The following AXDND1 variants were observed in gnomAD, a reference collection of about 807,000 sequenced individuals.
AXDND1 encodes the protein axonemal dynein light chain domain containing 1.
AXDND1 carries 110 observed loss-of-function variants against 137.5 expected under a neutral mutation model. The observed-to-expected ratio is 0.80, with a 90% CI of 0.69 to 0.94. AXDND1 has a LOEUF of 0.94. AXDND1 is among the 40% of genes least tolerant of loss of function. The probability of loss-of-function intolerance (pLI) is 0.00; values close to 1 mark genes in which losing one functional copy is unlikely to be tolerated. For synonymous variants in AXDND1, 414 were observed against 399.7 expected (o/e 1.04, Z -0.43); for missense variants, 1,191 against 1,169.8 (o/e 1.02, Z -0.26).
At chr1:179,434,799 T>G (rs146675364) in intron 15 of AXDND1, among the ~76,000 whole-genome samples, 1,674 of 152,126 alleles carry the variant, frequency 0.011, 23 homozygotes, top group African/African-American at 0.036. Context: ...AAGGGTACCC[T>G]CTCACCTCTC....
chr1:179,480,154 T>G (rs899244460), intron 17 of AXDND1, among the ~76,000 whole-genome samples: 2 of 152,174 alleles, frequency 1.3e-5, no homozygotes, highest in African/African-American at 4.8e-5. Flanking sequence ...AGCTCCCCAC[T>G]CCAGGTACCG....
At chr1:179,449,144 C>A (rs1448188502) in intron 16 of AXDND1, 12 of 454,176 alleles carry the variant, frequency 2.6e-5, no homozygotes, top group Non-Finnish European at 4.4e-5. Flanking sequence ...CTTCAGCCCC[C>A]CAAAGTGCTG....
rs373104569 is a variant in AXDND1, at chr1:179,444,933, A to T, written c.1564-37A>T. 3 of 1,440,742 alleles carry T rather than the reference A, an allele frequency of 2.1e-6. No homozygotes were observed. The African/African-American group carries it at 4.2e-5, about 20-fold the overall frequency. 89.2% of individuals were successfully genotyped at this position (1,440,742 alleles called of 1,614,324 possible). A position where few individuals can be genotyped will look rare whatever the true frequency, so the allele number is the denominator to read the frequency against. ...TAGACTTTGATAAACTCATTAGTGGATAATATGCTACTCTCCCTCTTCCTT... is the reference window on the plus strand; with the variant it reads ...TAGACTTTGATAAACTCATTAGTGGTTAATATGCTACTCTCCCTCTTCCTT... On this transcript the variant is annotated intron_variant, in intron 15 of 25. Transcript: ENST00000367618.
At chr1:179,374,137 AAAC>A (rs1668334143) in intron 4 of AXDND1, among the ~76,000 whole-genome samples, 3 of 152,304 alleles carry the variant, frequency 2.0e-5, no homozygotes, top group Non-Finnish European at 2.9e-5. Flanking sequence ...TACAAGAAAA[AAAC>A]AACCCCTTCA....
intron 4 of AXDND1, among the ~76,000 whole-genome samples, chr1:179,376,514 T>C (rs138777732): frequency 1.6e-4 from 24 of 152,342 alleles, no homozygotes; most frequent in Middle Eastern, 6.8e-3. Context: ...GAAGTCACCA[T>C]GTGCTGTTGT....
intron 23 of AXDND1, 97 bp from the exon 24 acceptor site, chr1:179,533,694 CAAAG>C (rs371712364): frequency 4.2e-5 from 33 of 789,320 alleles, no homozygotes; most frequent in African/African-American, 3.6e-4. Flanking sequence ...GGGTAGTAGA[CAAAG>C]AATATTCTAG....
chr1:179,468,316 T>C (rs889404719), intron 16 of AXDND1, 127 bp from the exon 17 acceptor site: 2 of 646,402 alleles, frequency 3.1e-6, no homozygotes, highest in African/African-American at 1.8e-5. Context: ...TCTCTGCTAG[T>C]CAAGCTGTAG....
In AXDND1 at chr1:179,410,081, G is replaced by A. The variant is rs558495975; in HGVS notation, c.1110-1065G>A. Reference sequence around the variant, plus strand: ...TGAATTTGTACATGTGTATTCACCTGTATAAGTTTTTTTTTATTATTTTGA... The same window carrying A: ...TGAATTTGTACATGTGTATTCACCTATATAAGTTTTTTTTTATTATTTTGA... On this transcript the variant is annotated intron_variant, in intron 11 of 25. Coordinates refer to ENST00000367618, the MANE Select transcript of AXDND1 (RefSeq NM_144696.6). Among the ~76,000 whole-genome samples the A allele has an allele frequency of 5.3e-3, 803 of 152,162 alleles. 9 individuals are homozygous for A. The highest frequency in any genetic ancestry group is 0.019 in the African/African-American group (780 of 41,522).
At chr1:179,498,335 A>G (rs1667666482) in intron 20 of AXDND1, among the ~76,000 whole-genome samples, 1 of 152,156 alleles carries the variant, frequency 6.6e-6, no homozygotes, top group Non-Finnish European at 1.5e-5. Flanking sequence ...TAGAAAACTT[A>G]GAAATATGGC....
At chr1:179,382,604 A>C in intron 6 of AXDND1, 96 bp from the exon 7 acceptor site, 3 of 804,728 alleles carry the variant, frequency 3.7e-6, no homozygotes, top group Non-Finnish European at 6.2e-6. Flanking sequence ...GGAGAATGGT[A>C]CTTAGAAACC....
At chr1:179,405,286 G>A (rs1652775694) in intron 11 of AXDND1, among the ~76,000 whole-genome samples, 1 of 152,184 alleles carries the variant, frequency 6.6e-6, no homozygotes, top group African/African-American at 2.4e-5. Flanking sequence ...ATTCCATGGT[G>A]TATATGTGCC....
rs763939986 is a variant in AXDND1, at chr1:179,554,551, G to A, written c.*32G>A. On this transcript the variant is annotated 3_prime_UTR_variant, in exon 26 of 26. Coordinates refer to ENST00000367618, the MANE Select transcript of AXDND1 (RefSeq NM_144696.6). ...GGCAACCTGTGGAAAGAAGAATTCA[G>A]ATGTCAGTGGGAGCCTCCAGGTGGG... 6.2e-7 allele frequency: 1 copy of A among 1,614,044 alleles called. No individual in the cohort carries two copies. Among genetic ancestry groups the A allele is most frequent in the African/African-American group, 1.3e-5 (1 of 74,936 alleles).
chr1:179,394,465 C>T (rs1650705400), intron 10 of AXDND1, among the ~76,000 whole-genome samples: 2 of 152,050 alleles, frequency 1.3e-5, no homozygotes, highest in Non-Finnish European at 2.9e-5. Context: ...TGGCACATGC[C>T]TATAATCCCA....
chr1:179,514,952 C>T (rs1439293532), intron 21 of AXDND1, among the ~76,000 whole-genome samples: 1 of 152,022 alleles, frequency 6.6e-6, no homozygotes, highest in African/African-American at 2.4e-5. Flanking sequence ...TTTATGTAGT[C>T]CTTATGTGTT....
intron 20 of AXDND1, among the ~76,000 whole-genome samples, chr1:179,497,029 A>G (rs922251924): frequency 6.6e-6 from 1 of 152,058 alleles, no homozygotes; most frequent in Non-Finnish European, 1.5e-5. Context: ...TTGATTTGTA[A>G]TATGATTTCA....
At chr1:179,432,746 G>A (rs553253509) in intron 15 of AXDND1, among the ~76,000 whole-genome samples, 1 of 152,092 alleles carries the variant, frequency 6.6e-6, no homozygotes, top group Non-Finnish European at 1.5e-5. Flanking sequence ...CTTTAAAAAT[G>A]CCATATTAGG....
rs139003184 is a variant in AXDND1 at position 179,372,314 on chromosome 1, T to C, written c.374+2236T>C. 6.2e-3 allele frequency among the ~76,000 whole-genome samples: 944 copies of C among 152,274 alleles called. 8 individuals are homozygous for C. The highest frequency in any genetic ancestry group is 0.022 in the African/African-American group (904 of 41,544). On this transcript the variant is annotated intron_variant, in intron 4 of 25. Coordinates refer to ENST00000367618, the MANE Select transcript of AXDND1 (RefSeq NM_144696.6). ...AAAGAATCAAATGCAGAACATTGGGTATTTACAAAATTGTTGGAAGGGCTA... is the reference window on the plus strand; with the variant it reads ...AAAGAATCAAATGCAGAACATTGGGCATTTACAAAATTGTTGGAAGGGCTA...
intron 16 of AXDND1, among the ~76,000 whole-genome samples, chr1:179,462,157 A>G (rs1292448801): frequency 2.0e-5 from 3 of 152,152 alleles, no homozygotes; most frequent in Admixed American, 6.5e-5. Flanking sequence ...GTTTTTGCCC[A>G]TTCAGTATGT....
intron 16 of AXDND1, chr1:179,447,690 A>C (rs1322747531): frequency 2.2e-6 from 3 of 1,343,654 alleles, no homozygotes; most frequent in Non-Finnish European, 3.2e-6. Flanking sequence ...CACCTGGTGG[A>C]GGGGGAGACT....
Sources: allele counts gnomAD v4.1 joint callset (sites outside exome capture counted in the v4.1 genomes callset), GRCh38; gene constraint gnomAD v4.1.1; transcripts MANE v1.5; gene names NCBI Gene and HGNC (gene_info 2026-07-23, HGNC 2026-07-21).